The following PYGO1 variants were observed in gnomAD, a reference collection of about 807,000 sequenced individuals.
PYGO1 encodes pygopus family PHD finger 1.
Under a neutral mutation model 29.5 loss-of-function variants are expected in PYGO1, and 6 were observed. The ratio of observed to expected loss-of-function variants is 0.20; its 90% CI spans 0.11 to 0.40. PYGO1 has a LOEUF of 0.40. Among genes scored for constraint, PYGO1 ranks in the 10% least tolerant of loss-of-function variants. PYGO1 has a pLI of 1.00. For missense variants in PYGO1, 515 were observed against 514.9 expected (o/e 1.00, Z 0.00); for synonymous variants, 186 against 180.5 (o/e 1.03, Z -0.24).
At chr15:55,571,409 G>A (rs1178731195) in intron 1 of PYGO1, among the ~76,000 whole-genome samples, 1 of 152,144 alleles carries the variant, frequency 6.6e-6, no homozygotes, top group Non-Finnish European at 1.5e-5. Context: ...TTTATCCTAT[G>A]ATATGGTATG....
Position 55,550,437 on chromosome 15 carries a change from C to A in PYGO1, c.50-1442G>T, listed in dbSNP as rs4502151. ...TTCTTATCTCTATCATCCCAACAGG[C>A]CTTCTCTCTGGCACTGGTAGTCCAT... On this transcript the variant is annotated intron_variant, in intron 1 of 2. Transcript: ENST00000563719. 4.1e-4 allele frequency among the ~76,000 whole-genome samples: 63 copies of A among 152,274 alleles called. No individual in the cohort carries two copies. In the East Asian group the frequency reaches 6.0e-3, roughly 14 times the overall value.
intron 1 of PYGO1, among the ~76,000 whole-genome samples, chr15:55,577,252 T>C (rs951348991): frequency 4.6e-5 from 7 of 152,174 alleles, no homozygotes; most frequent in Non-Finnish European, 8.8e-5. Context: ...TTCAAAAGAA[T>C]GCAAACTTTT....
intron 1 of PYGO1, among the ~76,000 whole-genome samples, chr15:55,563,857 C>T (rs1027338019): frequency 3.9e-5 from 6 of 152,138 alleles, no homozygotes; most frequent in African/African-American, 1.2e-4. Flanking sequence ...CAAATTAAAA[C>T]CGCAATGAGA....
At chr15:55,560,384 A>C (rs538353061) in intron 1 of PYGO1, among the ~76,000 whole-genome samples, 97 of 152,240 alleles carry the variant, frequency 6.4e-4, no homozygotes, top group Admixed American at 9.8e-4. Context: ...CTATACACCA[A>C]CAACAACCAA....
At chr15:55,587,126 T>C (rs1005747627) in intron 1 of PYGO1, among the ~76,000 whole-genome samples, 1 of 152,238 alleles carries the variant, frequency 6.6e-6, no homozygotes, top group Non-Finnish European at 1.5e-5. Context: ...GGGTGGCATT[T>C]GACTTTTGTG....
At chr15:55,585,555 A>C (rs1490491758) in intron 1 of PYGO1, among the ~76,000 whole-genome samples, 1 of 151,846 alleles carries the variant, frequency 6.6e-6, no homozygotes, top group Non-Finnish European at 1.5e-5. Flanking sequence ...TAACATAAAA[A>C]TACTGACTTT....
intron 1 of PYGO1, among the ~76,000 whole-genome samples, chr15:55,561,919 C>G (rs1440698017): frequency 6.6e-6 from 1 of 152,056 alleles, no homozygotes; most frequent in Admixed American, 6.5e-5. Flanking sequence ...AACAGACAAC[C>G]TACAGAATAA....
Position 55,539,940 on chromosome 15 carries a change from A to G in PYGO1, c.*6083T>C, listed in dbSNP as rs957768885. 1.3e-5 allele frequency: 2 copies of G among 152,098 alleles called. No individual in the cohort carries two copies. The highest frequency in any genetic ancestry group is 4.8e-5 in the African/African-American group (2 of 41,448). The allele number at this position is 152,098 out of a possible 1,614,324, so 9.4% of individuals were successfully genotyped here. A position where few individuals can be genotyped will look rare whatever the true frequency, so the allele number is the denominator to read the frequency against. The stretch of plus-strand genomic sequence containing the variant: ...AATTTGAATTTTTAAAAAGATATGC[A>G]GTTTAAGCACTCACAAGCCTTCATT... On this transcript the variant is annotated 3_prime_UTR_variant, in exon 3 of 3. Transcript: ENST00000563719.
At chr15:55,573,755 T>C (rs1265834038) in intron 1 of PYGO1, among the ~76,000 whole-genome samples, 1 of 152,188 alleles carries the variant, frequency 6.6e-6, no homozygotes, top group Admixed American at 6.5e-5. Flanking sequence ...TAGGCTACTG[T>C]TGACTGGAAG....
intron 1 of PYGO1, among the ~76,000 whole-genome samples, chr15:55,555,468 A>T (rs1380852653): frequency 7.0e-6 from 1 of 142,630 alleles, no homozygotes; most frequent in Non-Finnish European, 1.5e-5. Flanking sequence ...AGCTAACATC[A>T]TGATGACAGG....
In PYGO1 at chr15:55,541,010, C is replaced by T. The variant is rs2058826255; in HGVS notation, c.*5013G>A. 1 of 152,120 alleles carries T rather than the reference C, an allele frequency of 6.6e-6. No homozygotes were observed. The highest frequency in any genetic ancestry group is 2.4e-5 in the African/African-American group (1 of 41,414). The allele number at this position is 152,120 out of a possible 1,614,324, so 9.4% of individuals were successfully genotyped here. On this transcript the variant is annotated 3_prime_UTR_variant, in exon 3 of 3. Coordinates refer to ENST00000563719, the MANE Select transcript of PYGO1 (RefSeq NM_001367806.1). ...ACAAGCAACATCATCTACACATCTA[C>T]AGAACAAGAAAGGTACAGGTATTTA...
At chr15:55,578,278 G>A (rs2059012035) in intron 1 of PYGO1, among the ~76,000 whole-genome samples, 1 of 151,752 alleles carries the variant, frequency 6.6e-6, no homozygotes, top group Admixed American at 6.6e-5. Flanking sequence ...CACTTTTGGG[G>A]CTATTATGAA....
chr15:55,551,575 T>G (rs2058878900), intron 1 of PYGO1, among the ~76,000 whole-genome samples: 1 of 152,076 alleles, frequency 6.6e-6, no homozygotes, highest in South Asian at 2.1e-4. Context: ...GGCGGGGGAT[T>G]GCTCCAGCCC....
chr15:55,563,539 A>G (rs1200192387), intron 1 of PYGO1, among the ~76,000 whole-genome samples: 4 of 151,946 alleles, frequency 2.6e-5, no homozygotes, highest in Non-Finnish European at 5.9e-5. Flanking sequence ...TTTAGTAGAG[A>G]TGGGGTTTTA....
chr15:55,578,523 T>C (rs1414815772), intron 1 of PYGO1, among the ~76,000 whole-genome samples: 1 of 152,188 alleles, frequency 6.6e-6, no homozygotes, highest in East Asian at 1.9e-4. Context: ...ATTTTTCTGT[T>C]TTTGTTTTAA....
intron 1 of PYGO1, among the ~76,000 whole-genome samples, chr15:55,587,002 T>C (rs1447022166): frequency 6.6e-6 from 1 of 152,262 alleles, no homozygotes; most frequent in African/African-American, 2.4e-5. Flanking sequence ...GAACAGTGTC[T>C]AGCACATAGT....
chr15:55,541,119 TTTAAA>T lies in PYGO1; in HGVS notation c.*4899_*4903del, dbSNP rs1169064117. 2.6e-5 allele frequency: 4 copies of T among 152,196 alleles called. No homozygotes were observed. Among genetic ancestry groups the T allele is most frequent in the Non-Finnish European group, 5.9e-5 (4 of 68,020 alleles). 9.4% of individuals were successfully genotyped at this position (152,196 alleles called of 1,614,324 possible). The stretch of plus-strand genomic sequence containing the variant: ...TTATCCACTGAGTTTCATCAAAAGT[TTTAAA>T]TTAAATACAGGCAGCTCTGATGTAT... On this transcript the variant is annotated 3_prime_UTR_variant, in exon 3 of 3. Coordinates refer to ENST00000563719, the MANE Select transcript of PYGO1 (RefSeq NM_001367806.1).
At chr15:55,563,490 G>A (rs757912984) in intron 1 of PYGO1, among the ~76,000 whole-genome samples, 3 of 150,532 alleles carry the variant, frequency 2.0e-5, no homozygotes, top group Admixed American at 6.7e-5. Flanking sequence ...CCTTAGCCTC[G>A]TGAATAGTGC....
At chr15:55,553,100 C>T (rs1307659322) in intron 1 of PYGO1, among the ~76,000 whole-genome samples, 1 of 152,330 alleles carries the variant, frequency 6.6e-6, no homozygotes, top group African/African-American at 2.4e-5. Context: ...GAGTGCTCTA[C>T]AATGCAGCAC....
Sources: allele counts gnomAD v4.1 joint callset (sites outside exome capture counted in the v4.1 genomes callset), GRCh38; gene constraint gnomAD v4.1.1; transcripts MANE v1.5; gene names NCBI Gene and HGNC (gene_info 2026-07-23, HGNC 2026-07-21).